The following PAX5 variants were observed in gnomAD, a reference collection of about 807,000 sequenced individuals.
The protein encoded by PAX5 is paired box protein Pax-5.
A neutral mutation model predicts 43.7 loss-of-function variants in PAX5; 9 were observed. That is an observed-to-expected ratio of 0.21 (90% CI 0.12 to 0.36). The LOEUF is 0.36. Among genes scored for constraint, PAX5 ranks in the 10% least tolerant of loss-of-function variants. PAX5 has a pLI of 1.00. For missense variants in PAX5, 383 were observed against 532.7 expected, an observed-to-expected ratio of 0.72 and a Z score of 2.77; for synonymous variants, 228 against 214.3, an observed-to-expected ratio of 1.06 and a Z score of -0.56.
chr9:36,944,816 G>C (rs543759538), intron 6 of PAX5, among the ~76,000 whole-genome samples: 17 of 152,196 alleles, frequency 1.1e-4, no homozygotes, highest in Non-Finnish European at 2.5e-4. Context: ...ATCCGGTAAT[G>C]ATTTTAAAAT....
intron 6 of PAX5, among the ~76,000 whole-genome samples, chr9:36,965,927 G>C (rs1478717579): frequency 6.6e-6 from 1 of 152,216 alleles, no homozygotes; most frequent in Non-Finnish European, 1.5e-5. Flanking sequence ...ATAGCCACAG[G>C]TAGTGACTAC....
In PAX5 at chr9:36,879,827, C is replaced by T. The variant is rs374886654; in HGVS notation, c.1012+2177G>A. On this transcript the variant is annotated intron_variant, in intron 8 of 9. Coordinates refer to ENST00000358127, the MANE Select transcript of PAX5 (RefSeq NM_016734.3). Reference sequence around the variant, plus strand: ...GGTCCATCTCCCAAGGCCGCCTGGACGTGCTAAAGGTTGGAAAATGAGGAG... The same window carrying T: ...GGTCCATCTCCCAAGGCCGCCTGGATGTGCTAAAGGTTGGAAAATGAGGAG... Among the ~76,000 whole-genome samples, 395 of 152,272 alleles carry T rather than the reference C, an allele frequency of 2.6e-3. 2 individuals are homozygous for T. Among genetic ancestry groups the T allele is most frequent in the African/African-American group, 9.1e-3 (378 of 41,566 alleles).
At chr9:36,929,226 G>T (rs968827948) in intron 6 of PAX5, among the ~76,000 whole-genome samples, 2 of 146,166 alleles carry the variant, frequency 1.4e-5, no homozygotes, top group African/African-American at 5.1e-5. Flanking sequence ...GAAGGAAGAA[G>T]GAAGGAAGGA....
intron 1 of PAX5, among the ~76,000 whole-genome samples, chr9:37,023,598 C>T (rs1449761404): frequency 6.6e-6 from 1 of 152,110 alleles, no homozygotes; most frequent in Non-Finnish European, 1.5e-5. Flanking sequence ...CTTTGTGACT[C>T]TGGTATGGAA....
intron 7 of PAX5, among the ~76,000 whole-genome samples, chr9:36,898,904 G>A (rs1439047204): frequency 6.6e-6 from 1 of 151,946 alleles, no homozygotes; most frequent in Non-Finnish European, 1.5e-5. Flanking sequence ...AACTCCAGCC[G>A]CACTGCAGAC....
chr9:36,992,985 G>C (rs1837066867), intron 5 of PAX5, among the ~76,000 whole-genome samples: 1 of 152,184 alleles, frequency 6.6e-6, no homozygotes, highest in South Asian at 2.1e-4. Context: ...TTGTTACACA[G>C]GTATACATGT....
chr9:36,973,083 CGGAAAGGAAAGGAAA>C (rs1171700120), intron 5 of PAX5, among the ~76,000 whole-genome samples: 2 of 74,518 alleles, frequency 2.7e-5, no homozygotes, highest in Admixed American at 2.5e-4. Context: ...CGGAACGGAA[CGGAAAGGAAAGGAAA>C]GGAAAGGAAA....
At chr9:37,001,810 C>CTTTTTTTT (rs3073720) in intron 5 of PAX5, among the ~76,000 whole-genome samples, 3,208 of 87,226 alleles carry the variant, frequency 0.037, 14 homozygotes, top group Middle Eastern at 0.054. Flanking sequence ...ACAGCTCTGG[C>CTTTTTTTT]TTTTTTTTTT....
intron 7 of PAX5, among the ~76,000 whole-genome samples, chr9:36,909,203 C>T (rs1488179886): frequency 6.6e-6 from 1 of 152,114 alleles, no homozygotes; most frequent in Non-Finnish European, 1.5e-5. Flanking sequence ...TAGAATTCAC[C>T]CCCAAATCGT....
At chr9:36,856,111 C>T (rs767800032) in intron 8 of PAX5, among the ~76,000 whole-genome samples, 1 of 152,206 alleles carries the variant, frequency 6.6e-6, no homozygotes, top group Non-Finnish European at 1.5e-5. Context: ...CTGACAGGTC[C>T]CTGCAGCCCC....
At chr9:37,025,564 G>T (rs1382650159) in intron 1 of PAX5, among the ~76,000 whole-genome samples, 2 of 152,210 alleles carry the variant, frequency 1.3e-5, no homozygotes, top group Non-Finnish European at 2.9e-5. Flanking sequence ...GCCTGGCTCT[G>T]CAGCAAACAG....
intron 7 of PAX5, among the ~76,000 whole-genome samples, chr9:36,899,040 C>T (rs961789956): frequency 1.3e-5 from 2 of 152,204 alleles, no homozygotes; most frequent in African/African-American, 4.8e-5. Flanking sequence ...GCCCTCTCCT[C>T]CTGCCTTTTC....
intron 7 of PAX5, among the ~76,000 whole-genome samples, chr9:36,921,711 C>G (rs1391959077): frequency 6.6e-6 from 1 of 152,230 alleles, no homozygotes; most frequent in African/African-American, 2.4e-5. Context: ...TTTCTTTGCA[C>G]TCTGCCATGC....
At chr9:36,883,091 C>T (rs1313834015) in intron 7 of PAX5, among the ~76,000 whole-genome samples, 4 of 152,080 alleles carry the variant, frequency 2.6e-5, no homozygotes, top group African/African-American at 7.2e-5. Flanking sequence ...ATAAGAGGAT[C>T]GTGAGAGGGG....
At chr9:36,892,435 G>A (rs1026433130) in intron 7 of PAX5, among the ~76,000 whole-genome samples, 1 of 152,210 alleles carries the variant, frequency 6.6e-6, no homozygotes, top group African/African-American at 2.4e-5. Flanking sequence ...CACTTTGTAT[G>A]TATTATCTCA....
At chr9:36,969,479 A>G (rs1449177138) in intron 5 of PAX5, among the ~76,000 whole-genome samples, 3 of 152,254 alleles carry the variant, frequency 2.0e-5, no homozygotes, top group Non-Finnish European at 4.4e-5. Flanking sequence ...AGTAGAGCCC[A>G]GCACAGAGTA....
intron 3 of PAX5, among the ~76,000 whole-genome samples, chr9:37,009,204 T>C (rs1838726742): frequency 6.6e-6 from 1 of 152,220 alleles, no homozygotes; most frequent in Non-Finnish European, 1.5e-5. Flanking sequence ...TATAAATCAT[T>C]AAGAGGCTGC....
intron 7 of PAX5, among the ~76,000 whole-genome samples, chr9:36,916,559 G>T (rs750798047): frequency 1.2e-4 from 18 of 152,062 alleles, no homozygotes; most frequent in Non-Finnish European, 2.4e-4. Context: ...TTTTATCCAA[G>T]AATAAACTAC....
chr9:36,870,823 A>C (rs1468552359), intron 8 of PAX5, among the ~76,000 whole-genome samples: 1 of 152,206 alleles, frequency 6.6e-6, no homozygotes, highest in African/African-American at 2.4e-5. Context: ...AATGTGATAA[A>C]AAGTAAAAGA....
Sources: gnomAD v4.1 joint callset for allele counts (sites outside exome capture counted in the v4.1 genomes callset) on GRCh38, gnomAD v4.1.1 for gene constraint, MANE v1.5 for transcripts, NCBI Gene and HGNC (gene_info 2026-07-23, HGNC 2026-07-21) for gene names.